Variants in RBFOX1 observed in about 807,000 individuals in gnomAD.
The protein encoded by RBFOX1 is RNA binding fox-1 homolog 1, also known as RNA binding protein fox-1 homolog 1.
Under a neutral mutation model 57.7 loss-of-function variants are expected in RBFOX1, and 8 were observed. The observed-to-expected ratio is 0.14, with a 90% CI of 0.08 to 0.25. RBFOX1 has a LOEUF of 0.25. Ranked by LOEUF, RBFOX1 falls within the 10% of genes least tolerant of loss-of-function variation. The pLI is 1.00. For synonymous variants in RBFOX1, 326 were observed against 222.4 expected (o/e 1.47, Z -4.15); for missense variants, 611 against 548.5 (o/e 1.11, Z -1.14).
intron 1 of RBFOX1, among the ~76,000 whole-genome samples, chr16:5,411,999 A>T (rs2067034381): frequency 6.6e-6 from 1 of 152,138 alleles, no homozygotes; most frequent in Admixed American, 6.5e-5. Context: ...TAATATTTCT[A>T]GATCGGTTAG....
intron 2 of RBFOX1, among the ~76,000 whole-genome samples, chr16:6,343,370 T>A (rs1254990552): frequency 1.3e-5 from 2 of 149,802 alleles, no homozygotes; most frequent in Non-Finnish European, 3.0e-5. Flanking sequence ...GGGTCATTAG[T>A]AGATTTTTCC....
Position 6,276,412 on chromosome 16 carries a change from A to G in RBFOX1, c.-126-40583A>G, listed in dbSNP as rs149783722. 7.0e-3 allele frequency among the ~76,000 whole-genome samples: 1,066 copies of G among 152,132 alleles called. 10 individuals are homozygous for G. Among genetic ancestry groups the G allele is most frequent in the Non-Finnish European group, 0.012 (790 of 67,996 alleles). On this transcript the variant is annotated intron_variant, in intron 1 of 15. Coordinates refer to ENST00000550418, the MANE Select transcript of RBFOX1 (RefSeq NM_018723.4). ...TGCAGTGGCACGATCTTGGCTCACTACCACCTCTGCCTCCTGGGTTCATTC... is the reference window on the plus strand; with the variant it reads ...TGCAGTGGCACGATCTTGGCTCACTGCCACCTCTGCCTCCTGGGTTCATTC...
chr16:7,700,280 A>T (rs1477158943), intron 14 of RBFOX1, among the ~76,000 whole-genome samples: 3 of 152,104 alleles, frequency 2.0e-5, no homozygotes, highest in Non-Finnish European at 4.4e-5. Context: ...TTTAGTCCTT[A>T]ACTAGTAATC....
At chr16:6,665,350 A>G (rs112913697) in intron 3 of RBFOX1, among the ~76,000 whole-genome samples, 31 of 152,208 alleles carry the variant, frequency 2.0e-4, no homozygotes, top group African/African-American at 6.8e-4. Flanking sequence ...ACGGTGGCTC[A>G]CGCCTATAAT....
intron 2 of RBFOX1, among the ~76,000 whole-genome samples, chr16:6,337,869 A>C (rs912395640): frequency 6.6e-6 from 1 of 152,148 alleles, no homozygotes; most frequent in East Asian, 1.9e-4. Flanking sequence ...GTGAGAAAAC[A>C]CCCCCTTGGG....
chr16:7,194,875 C>T (rs928135258), intron 4 of RBFOX1, among the ~76,000 whole-genome samples: 2 of 149,230 alleles, frequency 1.3e-5, no homozygotes, highest in Non-Finnish European at 3.0e-5. Flanking sequence ...TTGCTGTGAG[C>T]CGAGATTGTG....
intron 5 of RBFOX1, among the ~76,000 whole-genome samples, chr16:7,542,082 G>A (rs1191290682): frequency 6.6e-6 from 1 of 152,150 alleles, no homozygotes; most frequent in Non-Finnish European, 1.5e-5. Context: ...CTAAAATAGA[G>A]CAGCAGTTCC....
At chr16:7,560,055 T>G (rs987951202) in intron 5 of RBFOX1, among the ~76,000 whole-genome samples, 1 of 152,224 alleles carries the variant, frequency 6.6e-6, no homozygotes, top group Non-Finnish European at 1.5e-5. Flanking sequence ...TGGGTCACTC[T>G]GGGATGGGGC....
At chr16:6,938,427 G>C (rs888585248) in intron 3 of RBFOX1, among the ~76,000 whole-genome samples, 1 of 152,206 alleles carries the variant, frequency 6.6e-6, no homozygotes, top group Non-Finnish European at 1.5e-5. Context: ...CTGTTACACT[G>C]TTGCTGTTGT....
At chr16:6,904,880 C>T (rs116525334) in intron 3 of RBFOX1, among the ~76,000 whole-genome samples, 4,903 of 152,214 alleles carry the variant, frequency 0.032, 155 homozygotes, top group South Asian at 0.12. Context: ...CTCTCTATTA[C>T]ACTTTTCTAC....
At chr16:6,311,420 A>G (rs2080296380) in intron 1 of RBFOX1, among the ~76,000 whole-genome samples, 1 of 152,016 alleles carries the variant, frequency 6.6e-6, no homozygotes, top group South Asian at 2.1e-4. Flanking sequence ...CATCACAGAG[A>G]CCAAGCATCT....
In RBFOX1 at chr16:6,435,280, G is replaced by C. The variant is rs148045293; in HGVS notation, c.-64+118223G>C. On this transcript the variant is annotated intron_variant, in intron 2 of 15. Coordinates refer to ENST00000550418, the MANE Select transcript of RBFOX1 (RefSeq NM_018723.4). The stretch of plus-strand genomic sequence containing the variant: ...CATTGCTAGCACTCATTTTGTTATT[G>C]TTGTTATTGTTGTTGTTTTTTGTTT... Among the ~76,000 whole-genome samples, 74 of 148,714 alleles carry C rather than the reference G, an allele frequency of 5.0e-4. 1 individual carries two copies. Among genetic ancestry groups the C allele is most frequent in the African/African-American group, 1.8e-3 (74 of 41,052 alleles).
intron 1 of RBFOX1, chr16:6,038,677 T>C (rs1411172467): frequency 6.7e-6 from 1 of 149,008 alleles, no homozygotes; most frequent in Non-Finnish European, 1.5e-5. Flanking sequence ...GACCCATTAT[T>C]AAGCAAAATG....
At chr16:7,570,157 A>G (rs2092624048) in intron 5 of RBFOX1, among the ~76,000 whole-genome samples, 1 of 131,738 alleles carries the variant, frequency 7.6e-6, no homozygotes, top group African/African-American at 2.9e-5. Context: ...CGTTCTTAAA[A>G]TTTTACTTTT....
chr16:7,628,806 T>G (rs1309218767), intron 10 of RBFOX1, among the ~76,000 whole-genome samples: 1 of 152,066 alleles, frequency 6.6e-6, no homozygotes, highest in Non-Finnish European at 1.5e-5. Flanking sequence ...AGAGACAGGA[T>G]TTCACCATGT....
chr16:6,837,712 G>A (rs2093200791), intron 3 of RBFOX1, among the ~76,000 whole-genome samples: 1 of 152,136 alleles, frequency 6.6e-6, no homozygotes, highest in Admixed American at 6.6e-5. Context: ...TGGGCATTGT[G>A]CAAGTTCAGA....
intron 4 of RBFOX1, among the ~76,000 whole-genome samples, chr16:7,278,667 C>A (rs1340346270): frequency 6.6e-6 from 1 of 152,154 alleles, no homozygotes; most frequent in African/African-American, 2.4e-5. Flanking sequence ...ATCAAAAAGT[C>A]TGAAGGAATT....
intron 1 of RBFOX1, among the ~76,000 whole-genome samples, chr16:5,357,649 A>G (rs938754): frequency 6.6e-6 from 1 of 152,236 alleles, no homozygotes; most frequent in Non-Finnish European, 1.5e-5. Flanking sequence ...ATGCTTCTGG[A>G]TCATGAACCA....
At chr16:5,266,914 C>G (rs370178069) in intron 1 of RBFOX1, among the ~76,000 whole-genome samples, 13 of 151,936 alleles carry the variant, frequency 8.6e-5, no homozygotes, top group African/African-American at 3.1e-4. Context: ...GTGCACATTT[C>G]TTTAAGTAAT....
Sources: gnomAD v4.1 joint callset for allele counts (sites outside exome capture counted in the v4.1 genomes callset) on GRCh38, gnomAD v4.1.1 for gene constraint, MANE v1.5 for transcripts, NCBI Gene and HGNC (gene_info 2026-07-23, HGNC 2026-07-21) for gene names.